CREBBP: variants seen among roughly 807,000 people sequenced by gnomAD.
The protein encoded by CREBBP is CREB-binding protein.
Under a neutral mutation model 265.0 loss-of-function variants are expected in CREBBP, and 19 were observed. The observed-to-expected ratio is 0.07, with a 90% CI of 0.05 to 0.11. The LOEUF (loss-of-function observed/expected upper bound fraction) is 0.11, where lower values mean the gene tolerates loss of function less well. Among genes scored for constraint, CREBBP ranks in the 10% least tolerant of loss-of-function variants. The pLI is 1.00. For synonymous variants in CREBBP, 1,457 were observed against 1,223.7 expected (o/e 1.19, Z -3.98); for missense variants, 2,525 against 3,219.0 (o/e 0.78, Z 5.22).
At chr16:3,813,963 G>C (rs943894126) in intron 2 of CREBBP, among the ~76,000 whole-genome samples, 1 of 152,200 alleles carries the variant, frequency 6.6e-6, no homozygotes, top group Non-Finnish European at 1.5e-5. Context: ...CCAGAGAAGA[G>C]GGGACCTAAG....
intron 1 of CREBBP, 29 bp downstream of exon 1, chr16:3,879,803 G>GCCCCCCCCC: frequency 1.3e-6 from 2 of 1,556,360 alleles, no homozygotes; most frequent in Non-Finnish European, 1.7e-6. Flanking sequence ...CGCGCCCCGG[G>GCCCCCCCCC]CCCCCGCCGC....
Position 3,728,879 on chromosome 16 carries a change from C to T in CREBBP, c.6168G>A (p.Val2056=), listed in dbSNP as rs747539947. ...TGGGTGAGATGCTCCTGGGTGGCTG[C>T]ACGCTGGGCATCCGGGGCCCAGCCA... is the stretch of plus-strand genomic sequence containing the variant. ...AAVAGPRMPS[V]QPPRSISPSA... is the part of the protein sequence containing the mutation. Residue 2056 remains valine, a synonymous_variant, in exon 31 of 31, where the codon GTG becomes GTA. Transcript: ENST00000262367. This position sits in a 1 kb window ranked among gnomAD's most constrained non-coding sequence, Gnocchi z 8.7. 1.9e-6 allele frequency: 3 copies of T among 1,611,648 alleles called. No individual in the cohort carries two copies.
In CREBBP at chr16:3,740,411, C is replaced by G. The variant is rs2052174869; in HGVS notation, c.4121G>C (p.Gly1374Ala). ...SSDKTVEVKPGMKSRFVDSGE... is the reference protein window; with the variant it reads ...SSDKTVEVKPAMKSRFVDSGE... ...CAGGCACACTGACCGTGACTTCATC[C>G]CGGGCTTGACCTCCACCGTCTTGTC... is the stretch of plus-strand genomic sequence containing the variant. The change falls in exon 24 of 31, where the codon GGG (glycine) becomes GCG (alanine). Residue 1374 changes from glycine to alanine, a missense_variant. Gly to Ala is a moderately conservative substitution (Grantham distance 60). Coordinates refer to ENST00000262367, the MANE Select transcript of CREBBP (RefSeq NM_004380.3). 3.7e-6 allele frequency: 6 copies of G among 1,614,058 alleles called. No homozygotes were observed. Among genetic ancestry groups the G allele is most frequent in the Non-Finnish European group, 5.1e-6 (6 of 1,180,044 alleles).
At chr16:3,830,976 A>C (rs1315802491) in intron 2 of CREBBP, among the ~76,000 whole-genome samples, 1 of 152,154 alleles carries the variant, frequency 6.6e-6, no homozygotes, top group Non-Finnish European at 1.5e-5. Context: ...TTTAGTAGAG[A>C]CAGGTTTCAC....
intron 5 of CREBBP, among the ~76,000 whole-genome samples, chr16:3,783,779 C>T (rs568281757): frequency 3.9e-5 from 6 of 152,232 alleles, no homozygotes; most frequent in Non-Finnish European, 8.8e-5. Context: ...CTGCCCCATC[C>T]AGCTAGCTAA....
At position 3,728,110 on chromosome 16, in the gene CREBBP, G is replaced by T. The variant is rs1798875128; in HGVS notation, c.6937C>A (p.Pro2313Thr). ...AGCATGTGTTGCTGGGGGCTCATGG[G>T]GTTCGGCTGGCCTGGGGACCCAATC... is the stretch of plus-strand genomic sequence containing the variant. ...QQIGSPGQPN[P>T]MSPQQHMLSG... The change falls in exon 31 of 31, where the codon CCC (proline) becomes ACC (threonine). Residue 2313 changes from proline (P) to threonine (T), a missense_variant. By Grantham distance (38) the Pro-to-Thr change is conservative. Coordinates refer to ENST00000262367, the MANE Select transcript of CREBBP (RefSeq NM_004380.3). This position sits in a 1 kb window ranked among gnomAD's most constrained non-coding sequence, Gnocchi z 8.7. 6.2e-7 allele frequency: 1 copy of T among 1,614,048 alleles called. No homozygotes were observed.
intron 1 of CREBBP, among the ~76,000 whole-genome samples, chr16:3,857,583 CATCG>C (rs2054989735): frequency 6.6e-6 from 1 of 151,970 alleles, no homozygotes; most frequent in African/African-American, 2.4e-5. Flanking sequence ...CAATCTGTAT[CATCG>C]GAAGTTCCTA....
At chr16:3,852,647 T>A (rs1462217325) in intron 1 of CREBBP, among the ~76,000 whole-genome samples, 1 of 151,988 alleles carries the variant, frequency 6.6e-6, no homozygotes, top group South Asian at 2.1e-4. Flanking sequence ...AAGGGGTAAA[T>A]GTCAATCATA....
rs2053203531 is a variant in CREBBP at position 3,778,740 on chromosome 16, T to C, written c.1901A>G (p.Lys634Arg). ...RRMENLVAYA[K>R]KVEGDMYESA... ...CTCGTACATGTCCCCTTCCACTTTCTTAGCATAGGCTACCAGGTTTTCCAT... is the reference window on the plus strand; with the variant it reads ...CTCGTACATGTCCCCTTCCACTTTCCTAGCATAGGCTACCAGGTTTTCCAT... The change falls in exon 9 of 31, where the codon AAG becomes AGG. Residue 634 changes from lysine to arginine, a missense_variant. Physicochemically the swap from Lys to Arg is conservative, Grantham distance 26 (BLOSUM62 2). Around this residue, in one of 19 missense-constraint regions of CREBBP, gnomAD observed 29 missense variants for 99.9 expected, o/e 0.29. Coordinates refer to ENST00000262367, the MANE Select transcript of CREBBP (RefSeq NM_004380.3). 1 of 1,614,014 alleles carries C rather than the reference T, an allele frequency of 6.2e-7. No homozygotes were observed. Among genetic ancestry groups the C allele is most frequent in the Non-Finnish European group, 8.5e-7 (1 of 1,179,984 alleles).
intron 21 of CREBBP, chr16:3,745,746 G>C: frequency 2.9e-6 from 1 of 345,414 alleles, no homozygotes; most frequent in South Asian, 2.7e-5. Flanking sequence ...AAAAAATAGA[G>C]AACAATACTT....
chr16:3,736,030 C>G lies in CREBBP; in HGVS notation c.4728+6G>C. ...TGGGCAATGGAGCTCAGAGAAGGGT[C>G]TGTACCTCAGTGGTTTCACTGGCTG... On this transcript the variant is annotated splice_donor_region_variant and intron_variant, in intron 28 of 30. Transcript: ENST00000262367. The G allele has an allele frequency of 6.2e-7, 1 of 1,614,238 alleles. No individual in the cohort carries two copies. The highest frequency in any genetic ancestry group is 8.5e-7 in the Non-Finnish European group (1 of 1,180,050).
intron 3 of CREBBP, among the ~76,000 whole-genome samples, chr16:3,794,394 G>C (rs1418475721): frequency 7.9e-6 from 1 of 125,822 alleles, no homozygotes; most frequent in Non-Finnish European, 1.6e-5. Flanking sequence ...CAATTGCAAT[G>C]TACTACAAAC....
At chr16:3,750,902 A>G (rs184857368) in intron 20 of CREBBP, among the ~76,000 whole-genome samples, 300 of 152,336 alleles carry the variant, frequency 2.0e-3, no homozygotes, top group African/African-American at 6.8e-3. Context: ...TGCTACTGCC[A>G]GTTCTGCAAA....
rs727503890 is a variant in CREBBP at position 3,728,417 on chromosome 16, C to CTGCTGTTGT, written c.6621_6629dup (p.Gln2214_Gln2216dup). ...CACTCCCTTGCTGCTGCTGCTGTTG[C>CTGCTGTTGT]TGCTGTTGTTGCTGCTGCTGTTGCT... On this transcript the variant is annotated inframe_insertion, in exon 31 of 31. Transcript: ENST00000262367. This position sits in a 1 kb window ranked among gnomAD's most constrained non-coding sequence, Gnocchi z 8.7. 3 of 1,613,242 alleles carry CTGCTGTTGT rather than the reference C, an allele frequency of 1.9e-6. No individual in the cohort carries two copies. Among genetic ancestry groups the CTGCTGTTGT allele is most frequent in the East Asian group, 2.2e-5 (1 of 44,858 alleles).
At chr16:3,849,679 G>A (rs964737019) in intron 2 of CREBBP, among the ~76,000 whole-genome samples, 11 of 151,450 alleles carry the variant, frequency 7.3e-5, no homozygotes, top group Admixed American at 1.3e-4. Context: ...CACCCATCTG[G>A]AGGCTTCTTA....
chr16:3,762,361 C>CTT (rs35125490), intron 16 of CREBBP, among the ~76,000 whole-genome samples: 3,438 of 118,626 alleles, frequency 0.029, 168 homozygotes, highest in African/African-American at 0.082. Context: ...ATTTTCTTTC[C>CTT]TTTTTTTTTT....
chr16:3,748,304 G>A (rs1303830762), intron 21 of CREBBP, among the ~76,000 whole-genome samples: 1 of 151,708 alleles, frequency 6.6e-6, no homozygotes, highest in Non-Finnish European at 1.5e-5. Context: ...GGAAAGAAAA[G>A]TAGATATAAA....
At chr16:3,761,881 C>T (rs969728807) in intron 16 of CREBBP, among the ~76,000 whole-genome samples, 1 of 152,164 alleles carries the variant, frequency 6.6e-6, no homozygotes, top group East Asian at 1.9e-4. Context: ...TAACAAATAG[C>T]CTTTTGATTT....
intron 3 of CREBBP, among the ~76,000 whole-genome samples, chr16:3,801,781 A>C (rs2053718828): frequency 6.6e-6 from 1 of 152,244 alleles, no homozygotes; most frequent in African/African-American, 2.4e-5. Context: ...ATCTGTCAGA[A>C]GCCTTAAAAT....
Sources: gnomAD v4.1 joint callset for allele counts (sites outside exome capture counted in the v4.1 genomes callset) on GRCh38, gnomAD v4.1.1 for gene constraint, gnomAD v4.1.1 regional missense constraint, Gnocchi (gnomAD v3.1) non-coding constraint, MANE v1.5 for transcripts, NCBI Gene and HGNC (gene_info 2026-07-23, HGNC 2026-07-21) for gene names.